SSBP2: variants seen among roughly 807,000 people sequenced by gnomAD.
The protein encoded by SSBP2 is single-stranded DNA-binding protein 2.
SSBP2 carries 17 observed loss-of-function variants against 61.8 expected under a neutral mutation model. The observed-to-expected ratio is 0.28, with a 90% CI of 0.19 to 0.41. The LOEUF (loss-of-function observed/expected upper bound fraction) is 0.41. Among genes scored for constraint, SSBP2 ranks in the 10% least tolerant of loss-of-function variants. The probability of loss-of-function intolerance (pLI) is 1.00; values close to 1 mark genes in which losing one functional copy is unlikely to be tolerated. For synonymous variants in SSBP2, 139 were observed against 141.3 expected (o/e 0.98, Z 0.12); for missense variants, 310 against 458.7 (o/e 0.68, Z 2.96).
intron 5 of SSBP2, among the ~76,000 whole-genome samples, chr5:81,507,590 C>T (rs1160051534): frequency 1.3e-5 from 2 of 151,904 alleles, no homozygotes; most frequent in South Asian, 2.1e-4. Flanking sequence ...TAAAAGATTA[C>T]GTTGTGTTTT....
chr5:81,608,679 T>C (rs887582206), intron 4 of SSBP2, among the ~76,000 whole-genome samples: 4 of 152,204 alleles, frequency 2.6e-5, no homozygotes, highest in Non-Finnish European at 4.4e-5. Context: ...GTTTTTGAAC[T>C]GTAATGGATT....
intron 4 of SSBP2, among the ~76,000 whole-genome samples, chr5:81,600,224 C>G (rs928421850): frequency 6.6e-6 from 1 of 151,962 alleles, no homozygotes; most frequent in Non-Finnish European, 1.5e-5. Flanking sequence ...ATAATGCATA[C>G]AACACCTAAA....
chr5:81,751,673 AT>A, upstream of SSBP2: 1 of 154,300 alleles, frequency 6.5e-6, no homozygotes, highest in Non-Finnish European at 1.4e-5. Context: ...CCCACGATTG[AT>A]TTTTGCGGTC....
intron 6 of SSBP2, among the ~76,000 whole-genome samples, chr5:81,487,540 T>A (rs1440545967): frequency 6.6e-6 from 1 of 152,132 alleles, no homozygotes; most frequent in African/African-American, 2.4e-5. Flanking sequence ...ATTGAAACCA[T>A]ATAATATGAA....
intron 5 of SSBP2, among the ~76,000 whole-genome samples, chr5:81,497,135 ATC>A (rs1561470142): frequency 6.6e-6 from 1 of 152,206 alleles, no homozygotes; most frequent in African/African-American, 2.4e-5. Context: ...CAAAAGCTCT[ATC>A]TCTCTTTTCT....
At chr5:81,507,291 G>A (rs778896785) in intron 5 of SSBP2, among the ~76,000 whole-genome samples, 10 of 152,010 alleles carry the variant, frequency 6.6e-5, no homozygotes, top group Non-Finnish European at 1.2e-4. Context: ...TGATCACCTT[G>A]GTCTGAAACT....
intron 1 of SSBP2, among the ~76,000 whole-genome samples, chr5:81,709,825 T>C (rs923648404): frequency 2.6e-5 from 4 of 151,998 alleles, no homozygotes; most frequent in Non-Finnish European, 5.9e-5. Context: ...TCATAGCAGA[T>C]GTAGAACACT....
intron 4 of SSBP2, among the ~76,000 whole-genome samples, chr5:81,527,986 C>G (rs1332072763): frequency 6.6e-6 from 1 of 150,900 alleles, no homozygotes; most frequent in East Asian, 2.0e-4. Flanking sequence ...TGACTACCAT[C>G]TTAGGTGTGT....
intron 1 of SSBP2, among the ~76,000 whole-genome samples, chr5:81,740,597 C>T (rs559620756): frequency 2.0e-5 from 3 of 152,302 alleles, no homozygotes; most frequent in African/African-American, 7.2e-5. Context: ...AGGCCATACG[C>T]TGCTTGGAAG....
intron 1 of SSBP2, among the ~76,000 whole-genome samples, chr5:81,748,156 G>A (rs931372440): frequency 9.2e-5 from 14 of 152,106 alleles, no homozygotes; most frequent in Admixed American, 7.2e-4. Flanking sequence ...CACATTTCTT[G>A]ATTATAAAAC....
At chr5:81,736,191 C>CACACACACACACA (rs1257403812) in intron 1 of SSBP2, among the ~76,000 whole-genome samples, 2 of 60,302 alleles carry the variant, frequency 3.3e-5, no homozygotes, top group African/African-American at 2.5e-4. Flanking sequence ...CACACACACT[C>CACACACACACACA]TACGGCACTA....
intron 1 of SSBP2, 75 bp from the exon 2 acceptor site, chr5:81,650,414 T>C (rs1017428176): frequency 9.5e-7 from 1 of 1,051,216 alleles, no homozygotes; most frequent in Non-Finnish European, 1.4e-6. Flanking sequence ...CATCTTTCCA[T>C]TGCTGAAATA....
intron 4 of SSBP2, among the ~76,000 whole-genome samples, chr5:81,544,135 C>T (rs552277399): frequency 4.6e-5 from 7 of 152,156 alleles, no homozygotes; most frequent in South Asian, 4.1e-4. Context: ...CTGCAAGCTC[C>T]GCCTCCCGGG....
chr5:81,543,001 T>C (rs772301641), intron 4 of SSBP2, among the ~76,000 whole-genome samples: 4 of 152,052 alleles, frequency 2.6e-5, no homozygotes, highest in African/African-American at 9.7e-5. Context: ...ATTACAGGCA[T>C]GTGCCACCAT....
chr5:81,656,852 A>T (rs1300223961), intron 1 of SSBP2, among the ~76,000 whole-genome samples: 2 of 152,296 alleles, frequency 1.3e-5, no homozygotes, highest in African/African-American at 4.8e-5. Flanking sequence ...GAACGTGTAA[A>T]TGGTGCAGCT....
At chr5:81,432,637 T>G (rs994245904) in intron 15 of SSBP2, among the ~76,000 whole-genome samples, 1 of 152,044 alleles carries the variant, frequency 6.6e-6, no homozygotes, top group East Asian at 1.9e-4. Flanking sequence ...TCCCAGCTAC[T>G]CGGGAGGCTG....
intron 1 of SSBP2, among the ~76,000 whole-genome samples, chr5:81,657,752 C>G (rs1475572909): frequency 6.6e-6 from 1 of 152,118 alleles, no homozygotes; most frequent in East Asian, 1.9e-4. Flanking sequence ...CGAAGGTATT[C>G]AGCTATATAA....
intron 4 of SSBP2, among the ~76,000 whole-genome samples, chr5:81,563,848 T>G (rs76891327): frequency 9.9e-5 from 15 of 151,922 alleles, no homozygotes; most frequent in African/African-American, 3.6e-4. Context: ...TTCATGGACA[T>G]GACACAAAAA....
intron 1 of SSBP2, among the ~76,000 whole-genome samples, chr5:81,692,355 G>A (rs1223358088): frequency 1.3e-4 from 20 of 150,972 alleles, no homozygotes; most frequent in African/African-American, 4.9e-4. Flanking sequence ...AAATTGAAGA[G>A]GACAACAAAA....
Sources: allele counts gnomAD v4.1 joint callset (sites outside exome capture counted in the v4.1 genomes callset), GRCh38; gene constraint gnomAD v4.1.1; transcripts MANE v1.5; gene names NCBI Gene and HGNC (gene_info 2026-07-23, HGNC 2026-07-21).